Variants in RFC4 observed in about 807,000 individuals in gnomAD.
RFC4 encodes the protein replication factor C subunit 4, also known as A1 37 kDa subunit.
RFC4 carries 38 observed loss-of-function variants against 47.6 expected under a neutral mutation model. That is an observed-to-expected ratio of 0.80 (90% CI 0.62 to 1.05). The LOEUF is 1.05. RFC4 is among the 50% of genes least tolerant of loss of function. RFC4 has a pLI of 0.00. For synonymous variants in RFC4, 164 were observed against 150.0 expected, an observed-to-expected ratio of 1.09 and a Z score of -0.68; for missense variants, 489 against 434.0, an observed-to-expected ratio of 1.13 and a Z score of -1.13.
At chr3:186,797,193 C>T (rs913719830) in intron 4 of RFC4, among the ~76,000 whole-genome samples, 5 of 152,030 alleles carry the variant, frequency 3.3e-5, no homozygotes, top group African/African-American at 9.7e-5. Flanking sequence ...GATGTGAACA[C>T]AATCATTAAG....
At chr3:186,790,658 T>C (rs764009857) in intron 8 of RFC4, among the ~76,000 whole-genome samples, 13 of 152,230 alleles carry the variant, frequency 8.5e-5, no homozygotes, top group Non-Finnish European at 1.5e-4. Context: ...ACATGGATTA[T>C]AGCTTGTTCT....
intron 8 of RFC4, chr3:186,791,240 T>C (rs1722123236): frequency 6.1e-6 from 1 of 164,812 alleles, no homozygotes; most frequent in Non-Finnish European, 1.3e-5. Flanking sequence ...CCCAGCACTT[T>C]GGAAGGCTAA....
In RFC4 at chr3:186,791,708, A is replaced by C; in HGVS notation, c.801+17T>G. 1 of 1,611,648 alleles carries C rather than the reference A, an allele frequency of 6.2e-7. No homozygotes were observed. The highest frequency in any genetic ancestry group is 1.3e-5 in the African/African-American group (1 of 74,996). ...AAAGCCAACTAAAAAGAAATTCAGA[A>C]TATCCAGTACTCTTACCCCGGCAAT... is the stretch of plus-strand genomic sequence containing the variant. On this transcript the variant is annotated intron_variant, in intron 8 of 10. Transcript: ENST00000296273.
chr3:186,790,447 G>A (rs1405587417), intron 8 of RFC4, 41 bp from the exon 9 acceptor site: 2 of 1,388,808 alleles, frequency 1.4e-6, no homozygotes, highest in South Asian at 2.3e-5. Flanking sequence ...GTTTCTAGGT[G>A]AGACTAGACA....
Position 186,804,659 on chromosome 3 carries a change from C to T in RFC4, c.55G>A (p.Asp19Asn). Residue 19 changes from aspartate to asparagine, a missense_variant, in exon 2 of 11, where the codon GAT becomes AAT. By Grantham distance (23) the Asp-to-Asn change is conservative. This residue lies in a region of RFC4 where 206 missense variants were observed against 257.8 expected (regional missense o/e 0.80). Coordinates refer to ENST00000296273, the MANE Select transcript of RFC4 (RefSeq NM_002916.5). ...SISTKPPLTK[D>N]RGVAASAGSS... ...CCCGCACTGGCAGCTACTCCTCGAT[C>T]CTTGGTCAGCGGGGGTTTAGTACTG... 4 of 1,614,108 alleles carry T rather than the reference C, an allele frequency of 2.5e-6. No individual in the cohort carries two copies. Among genetic ancestry groups the T allele is most frequent in the Non-Finnish European group, 3.4e-6 (4 of 1,180,022 alleles).
chr3:186,801,471 T>C (rs796544184), intron 2 of RFC4: 11 of 387,238 alleles, frequency 2.8e-5, no homozygotes, highest in African/African-American at 1.9e-4. Flanking sequence ...TTATTTTATA[T>C]GCTACAAACA....
chr3:186,790,070 AGAAAAATTT>A lies in RFC4; in HGVS notation c.997-15_997-7del. The A allele has an allele frequency of 6.2e-7, 1 of 1,612,688 alleles. No homozygotes were observed. Among genetic ancestry groups the A allele is most frequent in the Non-Finnish European group, 8.5e-7 (1 of 1,178,788 alleles). On this transcript the variant is annotated splice_polypyrimidine_tract_variant and splice_region_variant and intron_variant, in intron 10 of 10. Coordinates refer to ENST00000296273, the MANE Select transcript of RFC4 (RefSeq NM_002916.5). Reference sequence around the variant, plus strand: ...GCTAGGCATTTGTCAACTTCCTACGAGAAAAATTTAAGAAATTAGCATCCTTCAGGTAGT... The same window carrying A: ...GCTAGGCATTTGTCAACTTCCTACGAAAGAAATTAGCATCCTTCAGGTAGT...
At position 186,796,476 on chromosome 3, in the gene RFC4, T is replaced by G. The variant is rs191099150; in HGVS notation, c.290+1059A>C. 2.8e-3 allele frequency among the ~76,000 whole-genome samples: 426 copies of G among 152,220 alleles called. 1 individual carries two copies. The highest frequency in any genetic ancestry group is 9.7e-3 in the African/African-American group (405 of 41,558). ...AATAATCCTTACACATTTGGTGATTTCAGTGGCGTCTTTTTTTTTTTGAGA... is the reference window on the plus strand; with the variant it reads ...AATAATCCTTACACATTTGGTGATTGCAGTGGCGTCTTTTTTTTTTTGAGA... On this transcript the variant is annotated intron_variant, in intron 4 of 10. Coordinates refer to ENST00000296273, the MANE Select transcript of RFC4 (RefSeq NM_002916.5). The surrounding 1 kb of genome is among the most constrained non-coding windows in gnomAD (Gnocchi z 4.2).
intron 1 of RFC4, 59 bp from the exon 2 acceptor site, chr3:186,804,783 C>T: frequency 6.5e-7 from 1 of 1,539,590 alleles, no homozygotes; most frequent in Non-Finnish European, 8.9e-7. Flanking sequence ...TGCGAATCAG[C>T]ACCATAGGAA....
At chr3:186,794,836 T>C in intron 4 of RFC4, 59 bp from the exon 5 acceptor site, 1 of 1,587,928 alleles carries the variant, frequency 6.3e-7, no homozygotes, top group Non-Finnish European at 8.6e-7. Flanking sequence ...AATCACATTT[T>C]AACATTTGCA....
intron 4 of RFC4, 190 bp from the exon 5 acceptor site, chr3:186,794,967 T>A (rs1722214040): frequency 1.5e-5 from 9 of 581,244 alleles, no homozygotes; most frequent in Non-Finnish European, 2.1e-5. Context: ...TCCATGCATT[T>A]AAAAAAATGT....
At chr3:186,802,852 G>C (rs1037924244) in intron 2 of RFC4, among the ~76,000 whole-genome samples, 1 of 152,090 alleles carries the variant, frequency 6.6e-6, no homozygotes, top group African/African-American at 2.4e-5. Context: ...TGTGATGCAA[G>C]ATATAGTAGG....
intron 8 of RFC4, among the ~76,000 whole-genome samples, chr3:186,790,906 G>A (rs943207018): frequency 2.3e-4 from 35 of 150,464 alleles, no homozygotes; most frequent in African/African-American, 7.4e-4. Context: ...GGTGAAAAAC[G>A]TCATAGAAAC....
At chr3:186,804,931 A>G (rs564207723) in intron 1 of RFC4, 60 of 408,968 alleles carry the variant, frequency 1.5e-4, no homozygotes, top group Middle Eastern at 1.3e-3. Context: ...GAGGGCTACA[A>G]GAACAGAAAA....
chr3:186,792,316 A>G (rs1170441850), intron 7 of RFC4, among the ~76,000 whole-genome samples, 174 bp downstream of exon 7: 1 of 152,224 alleles, frequency 6.6e-6, no homozygotes, highest in African/African-American at 2.4e-5. Flanking sequence ...AAAGTAATAG[A>G]AAAGCTAAAC....
chr3:186,795,906 T>C (rs1045170229), intron 4 of RFC4, among the ~76,000 whole-genome samples: 46 of 152,216 alleles, frequency 3.0e-4, no homozygotes, highest in African/African-American at 1.0e-3. Flanking sequence ...GTTTTTAAAG[T>C]GAGTTTTAAT....
intron 4 of RFC4, 198 bp from the exon 5 acceptor site, chr3:186,794,975 T>C (rs984109536): frequency 3.5e-6 from 2 of 577,564 alleles, no homozygotes; most frequent in Non-Finnish European, 6.0e-6. Context: ...TTTAAAAAAA[T>C]GTAGACATTA....
intron 7 of RFC4, among the ~76,000 whole-genome samples, chr3:186,792,227 A>C (rs1034224722): frequency 6.6e-6 from 1 of 152,242 alleles, no homozygotes; most frequent in Admixed American, 6.5e-5. Flanking sequence ...GCAGAGATTT[A>C]TGTTGCAGAA....
chr3:186,801,270 C>T, intron 2 of RFC4, 75 bp from the exon 3 acceptor site: 3 of 1,052,088 alleles, frequency 2.9e-6, no homozygotes, highest in Non-Finnish European at 4.4e-6. Context: ...AGTGTTCCTT[C>T]TACTAAAATA....
Sources: gnomAD v4.1 joint callset for allele counts (sites outside exome capture counted in the v4.1 genomes callset) on GRCh38, gnomAD v4.1.1 for gene constraint, gnomAD v4.1.1 regional missense constraint, Gnocchi (gnomAD v3.1) non-coding constraint, MANE v1.5 for transcripts, NCBI Gene and HGNC (gene_info 2026-07-23, HGNC 2026-07-21) for gene names.